The following ZCCHC14 variants were observed in gnomAD, a reference collection of about 807,000 sequenced individuals.
The protein encoded by ZCCHC14 is zinc finger CCHC-type containing 14, also known as zinc finger CCHC domain-containing protein 14.
In ZCCHC14, 16 loss-of-function variants were observed where a neutral mutation model predicts 85.0. That is an observed-to-expected ratio of 0.19 (90% confidence interval 0.13 to 0.29). The LOEUF is 0.29. Among genes scored for constraint, ZCCHC14 ranks in the 10% least tolerant of loss-of-function variants. ZCCHC14 has a pLI of 1.00. For synonymous variants in ZCCHC14, 775 were observed against 630.7 expected (o/e 1.23, Z -3.43); for missense variants, 1,303 against 1,443.5 (o/e 0.90, Z 1.58).
intron 2 of ZCCHC14, among the ~76,000 whole-genome samples, chr16:87,445,630 T>C (rs1910398771): frequency 6.6e-6 from 1 of 152,156 alleles, no homozygotes; most frequent in Non-Finnish European, 1.5e-5. Flanking sequence ...TCCTTTGATA[T>C]TTTATTACCA....
intron 2 of ZCCHC14, among the ~76,000 whole-genome samples, chr16:87,450,040 C>T (rs900969620): frequency 3.3e-5 from 5 of 152,146 alleles, no homozygotes; most frequent in Admixed American, 1.3e-4. Context: ...GAGTAAGACC[C>T]TGTCTCAAAA....
At chr16:87,414,270 GCCCGGCA>G in intron 10 of ZCCHC14, 137 bp downstream of exon 10, 1 of 1,386,106 alleles carries the variant, frequency 7.2e-7, no homozygotes, top group South Asian at 1.3e-5. Context: ...TAACCCACCT[GCCCGGCA>G]CACGGGCCCT....
intron 1 of ZCCHC14, among the ~76,000 whole-genome samples, chr16:87,489,723 C>T (rs1293566703): frequency 6.6e-6 from 1 of 152,186 alleles, no homozygotes; most frequent in African/African-American, 2.4e-5. Flanking sequence ...AATAGATTAG[C>T]CCCTTCATCT....
intron 1 of ZCCHC14, among the ~76,000 whole-genome samples, chr16:87,479,928 T>TTTC (rs529708327): frequency 6.6e-6 from 1 of 151,830 alleles, no homozygotes; most frequent in Non-Finnish European, 1.5e-5. Flanking sequence ...ATGCCAGTTT[T>TTTC]TTCTTCTTCT....
At chr16:87,423,983 G>A in intron 3 of ZCCHC14, 102 bp from the exon 4 acceptor site, 2 of 1,262,600 alleles carry the variant, frequency 1.6e-6, no homozygotes, top group African/African-American at 1.5e-5. Context: ...GTCGGCAGCT[G>A]AGCCCAGTGG....
In ZCCHC14 at chr16:87,412,966, A is replaced by C; in HGVS notation, c.1755T>G (p.Ile585Met). ...TCTCCTTGTCAGAGCTCTCCAAGTG[A>C]ATCTCCACACCTAGAGAGGGAAACA... is the stretch of plus-strand genomic sequence containing the variant. ...SAEENDRRVE[I>M]HLESSDKEKP... The change falls in exon 12 of 13, where the codon ATT (isoleucine) becomes ATG (methionine). Residue 585 changes from isoleucine (I) to methionine (M), a missense_variant. Physicochemically the swap from Ile to Met is conservative, Grantham distance 10. Transcript: ENST00000671377. 1 of 1,611,092 alleles carries C rather than the reference A, an allele frequency of 6.2e-7. No individual in the cohort carries two copies. Among genetic ancestry groups the C allele is most frequent in the Non-Finnish European group, 8.5e-7 (1 of 1,178,480 alleles).
intron 2 of ZCCHC14, among the ~76,000 whole-genome samples, chr16:87,446,450 C>T (rs1002355365): frequency 1.1e-4 from 17 of 149,978 alleles, no homozygotes; most frequent in African/African-American, 3.9e-4. Context: ...CGCCACCGCA[C>T]TCCAGCCTGG....
chr16:87,452,780 G>C (rs948409605), intron 2 of ZCCHC14, among the ~76,000 whole-genome samples: 1 of 145,830 alleles, frequency 6.9e-6, no homozygotes, highest in African/African-American at 2.4e-5. Context: ...GGAGCCCCTG[G>C]TGACCCCCCT....
intron 1 of ZCCHC14, among the ~76,000 whole-genome samples, chr16:87,483,304 CAAAAAAAAAAAAAAAAAAAAAAA>C (rs56708958): frequency 2.3e-5 from 1 of 43,666 alleles, no homozygotes; most frequent in African/African-American, 8.6e-5. Flanking sequence ...CTAAAAATAC[CAAAAAAAAAAAAAAAAAAAAAAA>C]AAAAAAAAAA....
chr16:87,488,636 G>A (rs528155835), intron 1 of ZCCHC14, among the ~76,000 whole-genome samples: 1 of 152,278 alleles, frequency 6.6e-6, no homozygotes, highest in East Asian at 1.9e-4. Context: ...GAATGCAGTG[G>A]CATGATCATA....
In ZCCHC14 at chr16:87,482,878, C is replaced by A. The variant is rs143535645; in HGVS notation, c.570+8791G>T. On this transcript the variant is annotated intron_variant, in intron 1 of 12. Transcript: ENST00000671377. ...AGAATGACACAAGTTCCATACCAGG[C>A]GACACTGCAGGGGACTGTCTTCAGA... is the stretch of plus-strand genomic sequence containing the variant. 2.1e-3 allele frequency among the ~76,000 whole-genome samples: 323 copies of A among 152,144 alleles called. 4 individuals are homozygous for A. The highest frequency in any genetic ancestry group is 4.2e-3 in the Admixed American group (64 of 15,292).
At position 87,491,717 on chromosome 16, in the gene ZCCHC14, G is replaced by A. The variant is rs761735577; in HGVS notation, c.522C>T (p.Gly174=). ...GCAGCGCGCCGCCCGGCCCGGGCGC[G>A]CCCTTGCCGCCGTGGCCCCCGCCGC... is the stretch of plus-strand genomic sequence containing the variant. ...LNGGGGHGGK[G]APGPGGALPT... The change falls in exon 1 of 13, where the codon GGC becomes GGT. Residue 174 remains glycine (G), a synonymous_variant. Transcript: ENST00000671377. The surrounding 1 kb of genome is among the most constrained non-coding windows in gnomAD (Gnocchi z 5.9). 1.9e-6 allele frequency: 3 copies of A among 1,544,542 alleles called. No homozygotes were observed. The highest frequency in any genetic ancestry group is 2.1e-5 in the Admixed American group (1 of 47,554).
chr16:87,418,747 T>C (rs1311569224), intron 7 of ZCCHC14, 100 bp downstream of exon 7: 1 of 1,208,364 alleles, frequency 8.3e-7, no homozygotes, highest in African/African-American at 1.5e-5. Flanking sequence ...AGACTCAACT[T>C]GAGCATGACT....
At chr16:87,435,637 T>A (rs1909884735) in intron 2 of ZCCHC14, among the ~76,000 whole-genome samples, 1 of 152,228 alleles carries the variant, frequency 6.6e-6, no homozygotes, top group African/African-American at 2.4e-5. Context: ...ACCCTGCAGG[T>A]GCTGTGAGGG....
At position 87,437,934 on chromosome 16, in the gene ZCCHC14, C is replaced by T. The variant is rs571365203; in HGVS notation, c.695-4733G>A. 5.9e-5 allele frequency among the ~76,000 whole-genome samples: 9 copies of T among 152,346 alleles called. No individual in the cohort carries two copies. The South Asian group carries it at 8.3e-4, about 14-fold the overall frequency. ...CCAACTGCACCACACCACGGTGTTT[C>T]GATGCCAAGGTGTACAGCTTCTGAT... On this transcript the variant is annotated intron_variant, in intron 2 of 12. Coordinates refer to ENST00000671377, the MANE Select transcript of ZCCHC14 (RefSeq NM_015144.3).
chr16:87,485,667 A>G (rs1403838359), intron 1 of ZCCHC14, among the ~76,000 whole-genome samples: 1 of 152,066 alleles, frequency 6.6e-6, no homozygotes, highest in Non-Finnish European at 1.5e-5. Flanking sequence ...GGAGAATACT[A>G]AAGCAGAAAT....
At position 87,491,206 on chromosome 16, in the gene ZCCHC14, C is replaced by T. The variant is rs1297724488; in HGVS notation, c.570+463G>A. On this transcript the variant is annotated intron_variant, in intron 1 of 12. Transcript: ENST00000671377. The surrounding 1 kb of genome is among the most constrained non-coding windows in gnomAD (Gnocchi z 5.9). ...CTCTGACCGCGGACGTCTCCCGCAC[C>T]GCTCCCGCGGATCCTCGGACCCAGG... 6.6e-6 allele frequency among the ~76,000 whole-genome samples: 1 copy of T among 152,254 alleles called. No homozygotes were observed. The highest frequency in any genetic ancestry group is 2.4e-5 in the African/African-American group (1 of 41,470).
intron 1 of ZCCHC14, among the ~76,000 whole-genome samples, chr16:87,469,270 T>G (rs1006697366): frequency 6.6e-6 from 1 of 152,224 alleles, no homozygotes; most frequent in Non-Finnish European, 1.5e-5. Context: ...TATGAGATCA[T>G]CCATCTGATC....
intron 1 of ZCCHC14, 129 bp from the exon 2 acceptor site, chr16:87,460,260 T>A: frequency 8.1e-7 from 1 of 1,236,668 alleles, no homozygotes; most frequent in Non-Finnish European, 1.1e-6. Flanking sequence ...ATTATTATAA[T>A]AATAAGCCTT....
Sources: allele counts gnomAD v4.1 joint callset (sites outside exome capture counted in the v4.1 genomes callset), GRCh38; gene constraint gnomAD v4.1.1; non-coding constraint Gnocchi (gnomAD v3.1); transcripts MANE v1.5; gene names NCBI Gene and HGNC (gene_info 2026-07-23, HGNC 2026-07-21).